Variants in ADSL observed in about 807,000 individuals in gnomAD.
ADSL encodes the protein adenylosuccinase.
In ADSL, 44 loss-of-function variants were observed where a neutral mutation model predicts 62.1. The observed-to-expected ratio is 0.71, with a 90% CI of 0.56 to 0.91. The LOEUF (loss-of-function observed/expected upper bound fraction) is 0.91, where lower values mean the gene tolerates loss of function less well. Among genes scored for constraint, ADSL ranks in the 40% least tolerant of loss-of-function variants. The pLI is 0.00. For missense variants in ADSL, 531 were observed against 627.4 expected (o/e 0.85, Z 1.64); for synonymous variants, 198 against 220.5 (o/e 0.90, Z 0.90).
chr22:40,374,921 A>T lies in ADSL; in HGVS notation c.89+8423A>T, dbSNP rs1312163620. Among the ~76,000 whole-genome samples, 5 of 152,338 alleles carry T rather than the reference A, an allele frequency of 3.3e-5. No individual in the cohort carries two copies. In the South Asian group the frequency reaches 6.2e-4, roughly 19 times the overall value. ...TTGTACCAGTACTATCAGTAGTAGC[A>T]TATGACTGAAATAACAAGGCTAGAT... On this transcript the variant is annotated intron_variant, in intron 2 of 2. Transcript: ENST00000498234.
intron 2 of ADSL, among the ~76,000 whole-genome samples, chr22:40,378,948 C>T (rs2047104913): frequency 6.6e-6 from 1 of 152,074 alleles, no homozygotes; most frequent in Non-Finnish European, 1.5e-5. Context: ...CTCTTTGTTT[C>T]GGACCTCTGC....
rs2044668255 is a variant in ADSL at position 40,358,978 on chromosome 22, G to A, written c.597G>A (p.Lys199=). 1 of 1,614,050 alleles carries A rather than the reference G, an allele frequency of 6.2e-7. No individual in the cohort carries two copies. Among genetic ancestry groups the A allele is most frequent in the Non-Finnish European group, 8.5e-7 (1 of 1,180,044 alleles). The stretch of plus-strand genomic sequence containing the variant: ...ATGACCTGCGCTTCCGGGGAGTAAA[G>A]GGTACCACTGGCACTCAGGCCAGTT... ...VRDDLRFRGV[K]GTTGTQASFL... The change falls in exon 5 of 13, where the codon AAG becomes AAA. Residue 199 remains lysine, a synonymous_variant. Transcript: ENST00000623063.
downstream of ADSL, chr22:40,369,451 TTATA>T (rs943060286): frequency 4.7e-5 from 7 of 147,850 alleles, no homozygotes; most frequent in Admixed American, 2.7e-4. Flanking sequence ...TTCATATATA[TTATA>T]TATAATATAC....
chr22:40,382,755 C>T (rs1047393169), intron 2 of ADSL, among the ~76,000 whole-genome samples: 3 of 152,136 alleles, frequency 2.0e-5, no homozygotes, highest in Non-Finnish European at 4.4e-5. Flanking sequence ...ATTGTGTTAG[C>T]CCATTTTTGG....
chr22:40,347,002 G>T (rs2044168819), intron 1 of ADSL, among the ~76,000 whole-genome samples: 1 of 152,248 alleles, frequency 6.6e-6, no homozygotes, highest in Admixed American at 6.5e-5. Context: ...ATCCCCGCAG[G>T]AGTACGCTGC....
In ADSL at chr22:40,360,397, C is replaced by G. The variant is rs751224448; in HGVS notation, c.702-5C>G. The G allele has an allele frequency of 3.1e-6, 5 of 1,610,276 alleles. No homozygotes were observed. In the Admixed American group the frequency reaches 5.0e-5, roughly 16 times the overall value. Reference sequence around the variant, plus strand: ...AACCTAAGTCTCTCTTGTACTTATTCCTAGAGCTTTCATCATCACAGGGCA... The same window carrying G: ...AACCTAAGTCTCTCTTGTACTTATTGCTAGAGCTTTCATCATCACAGGGCA... On this transcript the variant is annotated splice_region_variant and splice_polypyrimidine_tract_variant and intron_variant, in intron 6 of 12. Coordinates refer to ENST00000623063, the MANE Select transcript of ADSL (RefSeq NM_000026.4).
At chr22:40,362,935 G>A in intron 9 of ADSL, 46 bp from the exon 10 acceptor site, 4 of 1,542,822 alleles carry the variant, frequency 2.6e-6, no homozygotes, top group Non-Finnish European at 3.6e-6. Context: ...GCATTTCACT[G>A]AAATTATTTG....
At chr22:40,374,602 G>T (rs768352441) in intron 2 of ADSL, among the ~76,000 whole-genome samples, 1 of 152,242 alleles carries the variant, frequency 6.6e-6, no homozygotes, top group African/African-American at 2.4e-5. Flanking sequence ...GTTGAATGGG[G>T]CCCAGTACGG....
At chr22:40,366,341 A>G (rs2045005148) in intron 12 of ADSL, 95 bp from the exon 13 acceptor site, 1 of 894,960 alleles carries the variant, frequency 1.1e-6, no homozygotes, top group Non-Finnish European at 1.8e-6. Flanking sequence ...GCTTCATCAA[A>G]TTAGGTTTCA....
At chr22:40,374,249 G>A (rs1261778642), downstream of ADSL, among the ~76,000 whole-genome samples, 1 of 152,204 alleles carries the variant, frequency 6.6e-6, no homozygotes, top group Non-Finnish European at 1.5e-5. Context: ...ACCGTGCCCA[G>A]CCAATAGGGC....
At chr22:40,373,609 T>TTTTTTG (rs1162367862), downstream of ADSL, 21 of 152,084 alleles carry the variant, frequency 1.4e-4, no homozygotes, top group Non-Finnish European at 2.5e-4. Context: ...GGCAGTTGTG[T>TTTTTTG]TTTTTGTTTT....
chr22:40,363,662 G>C (rs961369174), intron 10 of ADSL, among the ~76,000 whole-genome samples: 1 of 151,716 alleles, frequency 6.6e-6, no homozygotes, highest in African/African-American at 2.4e-5. Flanking sequence ...CTTGAACCCA[G>C]GAGGTGGAAG....
rs201019280 is a variant in ADSL at position 40,361,653 on chromosome 22, A to G, written c.1010+18A>G. The G allele has an allele frequency of 2.2e-3, 3,522 of 1,611,178 alleles. 3 individuals are homozygous for G. Among genetic ancestry groups the G allele is most frequent in the Non-Finnish European group, 2.8e-3 (3,308 of 1,179,956 alleles). ...GCCAACCGGTCAGTGGCACAGGGAC[A>G]TCACATACACCAAGTTGAGTGGAGG... On this transcript the variant is annotated intron_variant, in intron 9 of 12. Transcript: ENST00000623063.
rs1011026484 is a variant in ADSL at position 40,368,235 on chromosome 22, G to A, written c.*1713G>A. The A allele has an allele frequency of 3.3e-5, 5 of 152,202 alleles. No individual in the cohort carries two copies. The highest frequency in any genetic ancestry group is 7.3e-5 in the Non-Finnish European group (5 of 68,046). The allele number at this position is 152,202 out of a possible 1,614,324, so 9.4% of individuals were successfully genotyped here. A position where few individuals can be genotyped will look rare whatever the true frequency, so the allele number is the denominator to read the frequency against. On this transcript the variant is annotated 3_prime_UTR_variant, in exon 13 of 13. Transcript: ENST00000623063. ...CTTGGGGCCAGACATTGGAACCACTGAGATTAGCAACCTACACTCAATCCC... is the reference window on the plus strand; with the variant it reads ...CTTGGGGCCAGACATTGGAACCACTAAGATTAGCAACCTACACTCAATCCC...
chr22:40,362,336 C>A (rs538182330), intron 9 of ADSL, among the ~76,000 whole-genome samples: 2 of 152,184 alleles, frequency 1.3e-5, no homozygotes, highest in Non-Finnish European at 2.9e-5. Flanking sequence ...CACGATTTAT[C>A]TCTGGAAATA....
At chr22:40,375,533 T>G (rs1402652959) in intron 2 of ADSL, among the ~76,000 whole-genome samples, 2 of 151,146 alleles carry the variant, frequency 1.3e-5, no homozygotes, top group African/African-American at 2.4e-5. Context: ...TGAGCCGAGA[T>G]CATGTCATTG....
intron 12 of ADSL, 113 bp from the exon 13 acceptor site, chr22:40,366,323 G>A (rs932611004): frequency 2.6e-6 from 2 of 771,432 alleles, no homozygotes; most frequent in Non-Finnish European, 4.5e-6. Context: ...CTCAGTGTTG[G>A]AGTAAAAGCT....
intron 3 of ADSL, chr22:40,353,357 A>G (rs957537517): frequency 1.4e-6 from 1 of 702,534 alleles, no homozygotes; most frequent in African/African-American, 1.7e-5. Context: ...AAGGGGCGTG[A>G]TCAAGGCTTA....
At chr22:40,356,896 G>GT (rs1400526193) in intron 4 of ADSL, among the ~76,000 whole-genome samples, 1 of 151,702 alleles carries the variant, frequency 6.6e-6, no homozygotes, top group Non-Finnish European at 1.5e-5. Flanking sequence ...TATATATTTT[G>GT]TTTTTTTGTT....
Sources: allele counts gnomAD v4.1 joint callset (sites outside exome capture counted in the v4.1 genomes callset), GRCh38; gene constraint gnomAD v4.1.1; transcripts MANE v1.5; gene names NCBI Gene and HGNC (gene_info 2026-07-23, HGNC 2026-07-21).